The following PRDM16 variants were observed in gnomAD, a reference collection of about 807,000 sequenced individuals.
The protein encoded by PRDM16 is PR/SET domain 16, also known as histone-lysine N-methyltransferase PRDM16.
A neutral mutation model predicts 110.6 loss-of-function variants in PRDM16; 23 were observed. The observed-to-expected ratio is 0.21, with a 90% CI of 0.15 to 0.29. The LOEUF (loss-of-function observed/expected upper bound fraction) is 0.29, where lower values mean the gene tolerates loss of function less well. Ranked by LOEUF, PRDM16 falls within the 10% of genes least tolerant of loss-of-function variation. PRDM16 has a pLI of 1.00. For missense variants in PRDM16, 1,615 were observed against 1,794.3 expected, an observed-to-expected ratio of 0.90 and a Z score of 1.81; for synonymous variants, 799 against 781.8, an observed-to-expected ratio of 1.02 and a Z score of -0.37.
chr1:3,186,259 G>A lies in PRDM16; in HGVS notation c.172G>A (p.Glu58Lys), dbSNP rs972134115. 8.1e-6 allele frequency: 13 copies of A among 1,612,102 alleles called. No individual in the cohort carries two copies. The East Asian group carries it at 8.9e-5, about 11-fold the overall frequency. Residue 58 changes from glutamate (E) to lysine (K), a missense_variant, in exon 2 of 17, where the codon GAG (glutamate) becomes AAG (lysine). Glu to Lys is a moderately conservative substitution (Grantham distance 56). Around this residue, in one of 5 missense-constraint regions of PRDM16, gnomAD observed 416 missense variants for 467.1 expected, o/e 0.89. Coordinates refer to ENST00000270722, the MANE Select transcript of PRDM16 (RefSeq NM_022114.4). Reference sequence around the variant, plus strand: ...GCCACCGTCCCCCTTCCCCACCAGCGAGGACTTCACCCCCAAGGAGGGCTC... The same window carrying A: ...GCCACCGTCCCCCTTCCCCACCAGCAAGGACTTCACCCCCAAGGAGGGCTC... ...VGPPSPFPTS[E>K]DFTPKEGSPY...
rs1643122630 is a variant in PRDM16, at chr1:3,382,684, G to C, written c.439-2468G>C. Among the ~76,000 whole-genome samples the C allele has an allele frequency of 6.6e-6, 1 of 152,186 alleles. No individual in the cohort carries two copies. The highest frequency in any genetic ancestry group is 2.4e-5 in the African/African-American group (1 of 41,438). ...CCCATCAGCTGGTCCCTGGGCTGAG[G>C]GGGATGCACTCAGGAGCACGTACTC... On this transcript the variant is annotated intron_variant, in intron 3 of 16. Coordinates refer to ENST00000270722, the MANE Select transcript of PRDM16 (RefSeq NM_022114.4). The surrounding 1 kb of genome is among the most constrained non-coding windows in gnomAD (Gnocchi z 6.6).
rs764468276 is a variant in PRDM16, at chr1:3,431,984, A to C, written c.3540A>C (p.Glu1180Asp). The C allele has an allele frequency of 1.9e-6, 3 of 1,613,598 alleles. No individual in the cohort carries two copies. Among genetic ancestry groups the C allele is most frequent in the Non-Finnish European group, 2.5e-6 (3 of 1,179,988 alleles). ...GGTGCAGGTGTGCTGAGGACCACGA[A>C]GGCGGTCTGTTAGCTTTGGAGCCGA... ...DHTRRCAEDH[E>D]GGLLALEPMP... The change falls in exon 16 of 17, where the codon GAA becomes GAC. Residue 1180 changes from glutamate (E) to aspartate (D), a missense_variant. Physicochemically the swap from Glu to Asp is conservative, Grantham distance 45. Transcript: ENST00000270722.
intron 1 of PRDM16, among the ~76,000 whole-genome samples, chr1:3,079,006 C>T (rs1011179275): frequency 3.3e-5 from 5 of 152,250 alleles, no homozygotes; most frequent in East Asian, 1.9e-4. Flanking sequence ...TGACGCTCAC[C>T]GGAGGAGCCC....
chr1:3,324,816 GGGACTCGGC>G (rs2100468860), intron 3 of PRDM16, among the ~76,000 whole-genome samples: 1 of 151,786 alleles, frequency 6.6e-6, no homozygotes, highest in South Asian at 2.1e-4. Context: ...GATCAGCTGT[GGGACTCGGC>G]GGGTCGTGGG....
chr1:3,408,691 G>A (rs546785553), intron 8 of PRDM16, among the ~76,000 whole-genome samples: 8 of 148,456 alleles, frequency 5.4e-5, no homozygotes, highest in South Asian at 2.2e-4. Flanking sequence ...CACGTGAGCC[G>A]GTGCATGTGT....
In PRDM16 at chr1:3,246,811, C is replaced by CG. The variant is rs1218063494; in HGVS notation, c.438+2681dup. Among the ~76,000 whole-genome samples the CG allele has an allele frequency of 2.0e-5, 3 of 151,946 alleles. No homozygotes were observed. Among genetic ancestry groups the CG allele is most frequent in the Non-Finnish European group, 2.9e-5 (2 of 67,992 alleles). ...ACATTTCTAGGCACTCTCGGGGAGCCGGGGGGGTTGGGGCTGAGAGACTGA... is the reference window on the plus strand; with the variant it reads ...ACATTTCTAGGCACTCTCGGGGAGCCGGGGGGGGTTGGGGCTGAGAGACTGA... On this transcript the variant is annotated intron_variant, in intron 3 of 16. Transcript: ENST00000270722. The surrounding 1 kb of genome is among the most constrained non-coding windows in gnomAD (Gnocchi z 5.2).
intron 1 of PRDM16, among the ~76,000 whole-genome samples, chr1:3,073,305 TAGG>T (rs1188028412): frequency 6.6e-6 from 1 of 152,216 alleles, no homozygotes; most frequent in Non-Finnish European, 1.5e-5. Flanking sequence ...TTTATTCAAT[TAGG>T]AGGCAATTAG....
At chr1:3,156,483 T>C (rs1643860500) in intron 1 of PRDM16, among the ~76,000 whole-genome samples, 1 of 152,200 alleles carries the variant, frequency 6.6e-6, no homozygotes, top group Admixed American at 6.5e-5. Context: ...AAGCCAAATA[T>C]ATACCCCCAA....
intron 3 of PRDM16, among the ~76,000 whole-genome samples, chr1:3,374,336 G>A (rs1254738661): frequency 2.6e-5 from 4 of 152,208 alleles, no homozygotes; most frequent in Admixed American, 6.5e-5. Flanking sequence ...ACCATAATGC[G>A]GGATCCCTTT....
intron 3 of PRDM16, among the ~76,000 whole-genome samples, chr1:3,315,022 C>T (rs1002490723): frequency 6.6e-6 from 1 of 151,220 alleles, no homozygotes; most frequent in Non-Finnish European, 1.5e-5. Flanking sequence ...TGAACAAAGC[C>T]CCACCCTCCC....
At chr1:3,408,818 G>A (rs966531429) in intron 8 of PRDM16, among the ~76,000 whole-genome samples, 78 of 151,044 alleles carry the variant, frequency 5.2e-4, no homozygotes, top group South Asian at 1.5e-3. Flanking sequence ...GCGTGTGGGC[G>A]CGTGAGCTGG....
chr1:3,181,114 CCTTACACACGCAGTCTTACACGCGGT>C (rs1420035551), intron 1 of PRDM16, among the ~76,000 whole-genome samples: 3,789 of 76,326 alleles, frequency 0.05, 103 homozygotes, highest in South Asian at 0.087. Flanking sequence ...TTACACGCGG[CCTTACACACGCAGTCTTACACGCGGT>C]CTTACACACG....
intron 3 of PRDM16, among the ~76,000 whole-genome samples, chr1:3,338,824 C>T (rs1015314353): frequency 1.3e-5 from 2 of 152,220 alleles, no homozygotes; most frequent in Admixed American, 6.5e-5. Flanking sequence ...CACATGCCAC[C>T]GTCCTGTTTT....
At chr1:3,349,256 C>T (rs547569791) in intron 3 of PRDM16, among the ~76,000 whole-genome samples, 10 of 152,264 alleles carry the variant, frequency 6.6e-5, no homozygotes, top group East Asian at 1.9e-4. Flanking sequence ...CCCCGCCCCA[C>T]GGGAGATAAG....
At chr1:3,227,564 G>A (rs1000394806) in intron 2 of PRDM16, among the ~76,000 whole-genome samples, 10 of 152,362 alleles carry the variant, frequency 6.6e-5, no homozygotes, top group East Asian at 5.8e-4. Context: ...GGGCTCTGCC[G>A]TGCACTCTAG....
rs930875826 is a variant in PRDM16, at chr1:3,190,720, C to T, written c.387+4246C>T. ...TTCCCAAATACCACGCCCCGCCGGTCGCCGCCGAAGCCCACCTGCCTGGAG... is the reference window on the plus strand; with the variant it reads ...TTCCCAAATACCACGCCCCGCCGGTTGCCGCCGAAGCCCACCTGCCTGGAG... On this transcript the variant is annotated intron_variant, in intron 2 of 16. Coordinates refer to ENST00000270722, the MANE Select transcript of PRDM16 (RefSeq NM_022114.4). This position sits in a 1 kb window ranked among gnomAD's most constrained non-coding sequence, Gnocchi z 5.0. 6.6e-5 allele frequency among the ~76,000 whole-genome samples: 10 copies of T among 152,228 alleles called. No individual in the cohort carries two copies. The highest frequency in any genetic ancestry group is 1.4e-4 in the African/African-American group (6 of 41,466).
intron 8 of PRDM16, among the ~76,000 whole-genome samples, chr1:3,408,329 C>T (rs574894716): frequency 2.4e-4 from 36 of 152,228 alleles, no homozygotes; most frequent in African/African-American, 8.4e-4. Flanking sequence ...TGTGTACAAA[C>T]GTGTGTGTGC....
chr1:3,212,335 C>T (rs1406820252), intron 2 of PRDM16, among the ~76,000 whole-genome samples: 1 of 152,158 alleles, frequency 6.6e-6, no homozygotes, highest in African/African-American at 2.4e-5. Context: ...GCTGCCTTTT[C>T]AGGTGATCTT....
intron 3 of PRDM16, among the ~76,000 whole-genome samples, chr1:3,248,580 G>T (rs1639848389): frequency 1.3e-5 from 2 of 152,324 alleles, no homozygotes; most frequent in East Asian, 3.9e-4. Flanking sequence ...GAGTGCAGAG[G>T]CTTAGAGGAG....
Sources: allele counts gnomAD v4.1 joint callset (sites outside exome capture counted in the v4.1 genomes callset), GRCh38; gene constraint gnomAD v4.1.1; regional missense constraint gnomAD v4.1.1; non-coding constraint Gnocchi (gnomAD v3.1); transcripts MANE v1.5; gene names NCBI Gene and HGNC (gene_info 2026-07-23, HGNC 2026-07-21).